Variants in EYS observed in about 807,000 individuals in gnomAD.
EYS encodes EGF-like photoreceptor maintenance factor.
EYS carries 250 observed loss-of-function variants against 282.1 expected under a neutral mutation model. The observed-to-expected ratio is 0.89, with a 90% CI of 0.80 to 0.98. The LOEUF (loss-of-function observed/expected upper bound fraction) is 0.98. Among genes scored for constraint, EYS ranks in the 50% least tolerant of loss-of-function variants. The probability of loss-of-function intolerance (pLI) is 0.00; values close to 1 mark genes in which losing one functional copy is unlikely to be tolerated. For synonymous variants in EYS, 1,355 were observed against 1,282.9 expected (o/e 1.06, Z -1.20); for missense variants, 4,016 against 3,709.0 (o/e 1.08, Z -2.15).
intron 22 of EYS, among the ~76,000 whole-genome samples, chr6:64,751,422 C>A (rs1772750639): frequency 6.6e-6 from 1 of 152,176 alleles, no homozygotes; most frequent in Non-Finnish European, 1.5e-5. Context: ...CACCCGGGCA[C>A]AAGTCTGGGT....
intron 32 of EYS, among the ~76,000 whole-genome samples, chr6:64,080,325 T>C (rs970591155): frequency 9.6e-4 from 146 of 152,350 alleles, no homozygotes; most frequent in Non-Finnish European, 1.3e-3. Context: ...ATGAGCATTT[T>C]TTCATGTGTC....
chr6:64,326,865 G>A (rs186149780), intron 29 of EYS, among the ~76,000 whole-genome samples: 21 of 152,206 alleles, frequency 1.4e-4, no homozygotes, highest in South Asian at 6.2e-4. Flanking sequence ...GGGCCCTAAG[G>A]CAAGACCCAT....
intron 30 of EYS, among the ~76,000 whole-genome samples, chr6:64,266,341 A>G (rs1767760265): frequency 6.6e-6 from 1 of 152,086 alleles, no homozygotes; most frequent in Non-Finnish European, 1.5e-5. Flanking sequence ...GGTTAGTGAA[A>G]TTCCTGTGGG....
intron 32 of EYS, among the ~76,000 whole-genome samples, chr6:64,067,010 GATAA>G (rs1051707082): frequency 4.6e-4 from 70 of 152,092 alleles, no homozygotes; most frequent in African/African-American, 1.6e-3. Context: ...AGAGAAAAGA[GATAA>G]ATATTTCTTT....
chr6:63,990,551 G>T (rs1444212399), intron 34 of EYS, among the ~76,000 whole-genome samples: 1 of 151,720 alleles, frequency 6.6e-6, no homozygotes, highest in Non-Finnish European at 1.5e-5. Flanking sequence ...ATCCAGGAAA[G>T]GGTACCACAT....
intron 34 of EYS, among the ~76,000 whole-genome samples, chr6:63,985,915 A>G (rs936266183): frequency 2.0e-5 from 3 of 151,938 alleles, no homozygotes; most frequent in Non-Finnish European, 4.4e-5. Flanking sequence ...AAAAGCCAAA[A>G]TTGACTAGTG....
intron 28 of EYS, among the ~76,000 whole-genome samples, chr6:64,433,215 A>G (rs1401111616): frequency 6.6e-6 from 1 of 152,048 alleles, no homozygotes; most frequent in Non-Finnish European, 1.5e-5. Flanking sequence ...ACGTAAGGCA[A>G]GACCTTTCTC....
At chr6:65,026,959 CA>C (rs1284214433) in intron 13 of EYS, among the ~76,000 whole-genome samples, 1 of 148,118 alleles carries the variant, frequency 6.8e-6, no homozygotes, top group Non-Finnish European at 1.5e-5. Flanking sequence ...TCTAAACAGT[CA>C]AAAAGTCACC....
At chr6:64,983,935 C>T (rs1449547243) in intron 14 of EYS, among the ~76,000 whole-genome samples, 1 of 151,214 alleles carries the variant, frequency 6.6e-6, no homozygotes, top group African/African-American at 2.4e-5. Flanking sequence ...CATAGAGCAT[C>T]TTTATTTAGC....
intron 31 of EYS, among the ~76,000 whole-genome samples, chr6:64,170,408 C>A (rs1344301109): frequency 6.6e-6 from 1 of 152,012 alleles, no homozygotes; most frequent in Non-Finnish European, 1.5e-5. Flanking sequence ...CTCATAGTTA[C>A]TGAGGCTAGA....
At chr6:64,306,469 G>T (rs1769448392) in intron 30 of EYS, among the ~76,000 whole-genome samples, 1 of 152,084 alleles carries the variant, frequency 6.6e-6, no homozygotes, top group African/African-American at 2.4e-5. Context: ...GACTAATATT[G>T]TCTCAAATGT....
At chr6:65,218,410 T>A (rs1363182704) in intron 12 of EYS, among the ~76,000 whole-genome samples, 1 of 152,140 alleles carries the variant, frequency 6.6e-6, no homozygotes, top group Admixed American at 6.5e-5. Context: ...GATACCTCAC[T>A]GAGGTAAGAA....
At chr6:64,245,578 T>A (rs2150345593) in intron 30 of EYS, among the ~76,000 whole-genome samples, 1 of 152,342 alleles carries the variant, frequency 6.6e-6, no homozygotes, top group East Asian at 1.9e-4. Context: ...ATTCTGTATC[T>A]GATAATGGCA....
intron 37 of EYS, chr6:63,797,138 A>T (rs2149674612): frequency 6.6e-6 from 1 of 152,330 alleles, no homozygotes; most frequent in East Asian, 1.9e-4. Flanking sequence ...CAAAATAATG[A>T]TTCTGCGACA....
intron 12 of EYS, among the ~76,000 whole-genome samples, chr6:65,151,947 A>C (rs1581959975): frequency 6.6e-6 from 1 of 151,904 alleles, no homozygotes; most frequent in East Asian, 1.9e-4. Flanking sequence ...GTTTTGATTT[A>C]ATTTTTAACC....
At chr6:64,831,718 A>C (rs1765222868) in intron 19 of EYS, among the ~76,000 whole-genome samples, 1 of 152,008 alleles carries the variant, frequency 6.6e-6, no homozygotes, top group South Asian at 2.1e-4. Flanking sequence ...TTACCACAAG[A>C]ATGCGGCCAG....
intron 32 of EYS, among the ~76,000 whole-genome samples, chr6:64,072,813 T>G (rs371761529): frequency 2.3e-4 from 35 of 152,106 alleles, no homozygotes; most frequent in African/African-American, 8.2e-4. Context: ...CAGACTCATA[T>G]TTTTGAGATA....
At position 63,781,465 on chromosome 6, in the gene EYS, A is replaced by G. The variant is rs974230599; in HGVS notation, c.7724-3285T>C. 4.6e-5 allele frequency among the ~76,000 whole-genome samples: 7 copies of G among 152,264 alleles called. No individual in the cohort carries two copies. The Middle Eastern group carries it at 0.01, about 222-fold the overall frequency. The stretch of plus-strand genomic sequence containing the variant: ...AGTTCTCCTTGAAGAGGTCCTTCAC[A>G]TCCCTTGTAAGTTGGATTCCTAGGT... On this transcript the variant is annotated intron_variant, in intron 39 of 42. Transcript: ENST00000503581.
At chr6:65,538,277 T>A (rs1377715044) in intron 2 of EYS, among the ~76,000 whole-genome samples, 2 of 152,008 alleles carry the variant, frequency 1.3e-5, no homozygotes, top group Admixed American at 1.3e-4. Flanking sequence ...TAAAGAATAA[T>A]AATAAGGAAA....
Sources: allele counts gnomAD v4.1 joint callset (sites outside exome capture counted in the v4.1 genomes callset), GRCh38; gene constraint gnomAD v4.1.1; transcripts MANE v1.5; gene names NCBI Gene and HGNC (gene_info 2026-07-23, HGNC 2026-07-21).